MEG3: variants seen among roughly 807,000 people sequenced by gnomAD.
MEG3 encodes the protein maternally expressed 3, also known as Very putative protein from MEG3 locus.
At chr14:100,853,867 T>G (rs1040728879), upstream of MEG3, 2 of 152,240 alleles carry the variant, frequency 1.3e-5, no homozygotes, top group African/African-American at 4.8e-5. Flanking sequence ...CCTGCTAGAC[T>G]GTGAGCCCCA....
chr14:100,831,235 C>A, downstream of MEG3: 1 of 153,138 alleles, frequency 6.5e-6, no homozygotes. Flanking sequence ...ACAGATTGGG[C>A]CCCACTGGAT....
At position 100,843,419 on chromosome 14, in the gene MEG3, C is replaced by T. The variant is rs557386653; in HGVS notation, n.3046-2039C>T. On this transcript the variant is annotated intron_variant and non_coding_transcript_variant, in intron 2 of 3. Transcript: ENST00000398461. ...TCGGAGGGAGGGTGGGAAACGGTCT[C>T]GAGTGGTGGTCAGTAGATAATGGGT... 6.6e-5 allele frequency among the ~76,000 whole-genome samples: 10 copies of T among 152,198 alleles called. No homozygotes were observed. In the South Asian group the frequency reaches 1.9e-3, roughly 28 times the overall value.
chr14:100,841,576 C>T (rs929774976), intron 2 of MEG3, among the ~76,000 whole-genome samples: 4 of 152,186 alleles, frequency 2.6e-5, no homozygotes, highest in South Asian at 4.1e-4. Context: ...CACGGTGAGC[C>T]GGCAGCAGGC....
intron 2 of MEG3, among the ~76,000 whole-genome samples, chr14:100,839,849 G>A (rs1295007770): frequency 6.6e-6 from 1 of 152,204 alleles, no homozygotes; most frequent in Non-Finnish European, 1.5e-5. Flanking sequence ...CGAGCTCTGC[G>A]GTGCCTGAGA....
At chr14:100,827,836 G>C (rs920921859) in intron 1 of MEG3, among the ~76,000 whole-genome samples, 1 of 152,212 alleles carries the variant, frequency 6.6e-6, no homozygotes, top group African/African-American at 2.4e-5. Context: ...GGGTCTTTCT[G>C]ACTTTAGTGA....
At chr14:100,840,799 G>T (rs764777201) in intron 2 of MEG3, among the ~76,000 whole-genome samples, 3 of 152,268 alleles carry the variant, frequency 2.0e-5, no homozygotes, top group Admixed American at 6.5e-5. Flanking sequence ...CAAAGAGACA[G>T]AATGGGGCTG....
intron 2 of MEG3, among the ~76,000 whole-genome samples, chr14:100,844,189 CCTTT>C (rs1329973500): frequency 6.6e-6 from 1 of 152,114 alleles, no homozygotes; most frequent in East Asian, 1.9e-4. Flanking sequence ...TCTCTCATGG[CCTTT>C]CTGTTTCCTG....
intron 2 of MEG3, among the ~76,000 whole-genome samples, chr14:100,843,798 G>C (rs954114190): frequency 6.6e-6 from 1 of 151,752 alleles, no homozygotes; most frequent in African/African-American, 2.4e-5. Context: ...CCTGCAGTGG[G>C]GCAGGCAGCT....
Position 100,847,024 on chromosome 14 carries a change from G to C in MEG3, n.3121+1491G>C, listed in dbSNP as rs533774403. On this transcript the variant is annotated intron_variant and non_coding_transcript_variant, in intron 3 of 3. Transcript: ENST00000398461. Reference sequence around the variant, plus strand: ...TTAAAAAACCAAAACAACAAAGAAAGGTTAAAAAAAAAAACAGACTAGAGG... The same window carrying C: ...TTAAAAAACCAAAACAACAAAGAAACGTTAAAAAAAAAAACAGACTAGAGG... 8 of 150,320 alleles carry C rather than the reference G, an allele frequency of 5.3e-5. No homozygotes were observed. In the South Asian group the frequency reaches 1.7e-3, roughly 32 times the overall value. 9.3% of individuals were successfully genotyped at this position (150,320 alleles called of 1,614,324 possible). A position where few individuals can be genotyped will look rare whatever the true frequency, so the allele number is the denominator to read the frequency against.
intron 2 of MEG3, among the ~76,000 whole-genome samples, chr14:100,843,726 G>A (rs1426708429): frequency 6.6e-6 from 1 of 152,102 alleles, no homozygotes; most frequent in Admixed American, 6.5e-5. Flanking sequence ...GATGGCAGGG[G>A]TGGGTTGGAG....
At chr14:100,846,188 C>T (rs1008244610) in intron 3 of MEG3, 1 of 152,232 alleles carries the variant, frequency 6.6e-6, no homozygotes, top group Non-Finnish European at 1.5e-5. Flanking sequence ...TAAAAATGAA[C>T]TCCATGTCCG....
chr14:100,827,586 A>T (rs147078267), intron 1 of MEG3: 3,409 of 152,562 alleles, frequency 0.022, 60 homozygotes, highest in Non-Finnish European at 0.034. Flanking sequence ...GGTGTGGCTC[A>T]TTTGAGCAGG....
chr14:100,850,731 G>C (rs957447069), intron 3 of MEG3: 2 of 152,202 alleles, frequency 1.3e-5, no homozygotes, highest in Non-Finnish European at 2.9e-5. Flanking sequence ...TAATGTAACG[G>C]TCAATAAATA....
chr14:100,840,407 T>G (rs2037717593), intron 2 of MEG3, among the ~76,000 whole-genome samples: 1 of 151,974 alleles, frequency 6.6e-6, no homozygotes, highest in African/African-American at 2.4e-5. Context: ...GAGCCCCCCG[T>G]GGGGAACAGC....
At chr14:100,841,503 C>T (rs1349636081) in intron 2 of MEG3, among the ~76,000 whole-genome samples, 1 of 152,246 alleles carries the variant, frequency 6.6e-6, no homozygotes, top group Non-Finnish European at 1.5e-5. Context: ...GGTCCGCTGC[C>T]CCCTCTGCTT....
At chr14:100,832,309 T>C (rs1318891126), downstream of MEG3, 1 of 152,170 alleles carries the variant, frequency 6.6e-6, no homozygotes, top group Non-Finnish European at 1.5e-5. Context: ...ACTCCTTCCA[T>C]CGAGTTTAAC....
At chr14:100,843,002 C>G (rs1224851159) in intron 2 of MEG3, among the ~76,000 whole-genome samples, 1 of 152,150 alleles carries the variant, frequency 6.6e-6, no homozygotes, top group African/African-American at 2.4e-5. Context: ...AGATTCTAGC[C>G]CAGCACTGCG....
At chr14:100,857,437 G>C (rs963796166) in exon 1 of MEG3, 1 of 152,192 alleles carries the variant, frequency 6.6e-6, no homozygotes, top group African/African-American at 2.4e-5. Context: ...CTGGGAATGG[G>C]CATATGTTGG....
intron 2 of MEG3, among the ~76,000 whole-genome samples, chr14:100,839,712 C>T (rs1452934752): frequency 1.3e-5 from 2 of 152,074 alleles, no homozygotes; most frequent in African/African-American, 2.4e-5. Context: ...GCGTGCAGAC[C>T]CTCCCCTCCC....
Sources: gnomAD v4.1 joint callset for allele counts (sites outside exome capture counted in the v4.1 genomes callset) on GRCh38, gnomAD v4.1.1 for gene constraint, MANE v1.5 for transcripts, NCBI Gene and HGNC (gene_info 2026-07-23, HGNC 2026-07-21) for gene names.